The following DGKB variants were observed in gnomAD, a reference collection of about 807,000 sequenced individuals.
The protein encoded by DGKB is diacylglycerol kinase beta, also known as 90 kDa diacylglycerol kinase.
DGKB carries 67 observed loss-of-function variants against 114.3 expected under a neutral mutation model. That is an observed-to-expected ratio of 0.59 (90% confidence interval 0.48 to 0.72). The LOEUF is 0.72. Ranked by LOEUF, DGKB falls within the 30% of genes least tolerant of loss-of-function variation. The pLI is 0.00. For missense variants in DGKB, 907 were observed against 975.2 expected (o/e 0.93, Z 0.93); for synonymous variants, 398 against 323.1 (o/e 1.23, Z -2.49).
At chr7:14,897,857 G>C (rs748927667) in intron 1 of DGKB, among the ~76,000 whole-genome samples, 2 of 151,884 alleles carry the variant, frequency 1.3e-5, no homozygotes, top group Non-Finnish European at 2.9e-5. Context: ...AAATATTGTG[G>C]AAGTGGGACT....
intron 23 of DGKB, among the ~76,000 whole-genome samples, chr7:14,250,765 TCTC>T (rs1443831274): frequency 1.3e-5 from 2 of 152,196 alleles, no homozygotes; most frequent in Non-Finnish European, 2.9e-5. Context: ...GTGGTTTATT[TCTC>T]CTTTCAGTTC....
chr7:14,736,587 T>G (rs1410216801), intron 4 of DGKB, among the ~76,000 whole-genome samples: 1 of 152,230 alleles, frequency 6.6e-6, no homozygotes, highest in Non-Finnish European at 1.5e-5. Flanking sequence ...TACAGAGTCA[T>G]ATAAACACAG....
chr7:14,824,023 G>A (rs973075077), intron 2 of DGKB, among the ~76,000 whole-genome samples: 7 of 152,164 alleles, frequency 4.6e-5, no homozygotes, highest in African/African-American at 1.7e-4. Flanking sequence ...GAGGGTCAAA[G>A]TCAAGTCTTA....
At chr7:14,902,886 C>T (rs1303132852), upstream of DGKB, 1 of 152,116 alleles carries the variant, frequency 6.6e-6, no homozygotes, top group African/African-American at 2.4e-5. Context: ...CTGCAGTTCA[C>T]CCGTCTCTGA....
At chr7:14,754,520 C>A (rs2128441460) in intron 3 of DGKB, among the ~76,000 whole-genome samples, 1 of 152,076 alleles carries the variant, frequency 6.6e-6, no homozygotes, top group Non-Finnish European at 1.5e-5. Context: ...CACTTTCTTC[C>A]CATATCTCAG....
intron 23 of DGKB, among the ~76,000 whole-genome samples, chr7:14,294,822 A>G (rs1179342962): frequency 2.6e-5 from 4 of 152,178 alleles, no homozygotes; most frequent in African/African-American, 9.6e-5. Context: ...GTGACTCACT[A>G]GTTTAATGAG....
At chr7:14,245,981 T>C (rs1402949139) in intron 23 of DGKB, among the ~76,000 whole-genome samples, 1 of 152,124 alleles carries the variant, frequency 6.6e-6, no homozygotes, top group African/African-American at 2.4e-5. Flanking sequence ...GACGAGAATG[T>C]GCTGGCTAGA....
intron 13 of DGKB, among the ~76,000 whole-genome samples, chr7:14,658,108 G>C (rs527310853): frequency 6.6e-6 from 1 of 152,016 alleles, no homozygotes; most frequent in South Asian, 2.1e-4. Flanking sequence ...AAGCAAGATC[G>C]GAAGAAGAGG....
At chr7:14,450,274 G>A (rs969584471) in intron 21 of DGKB, among the ~76,000 whole-genome samples, 1 of 152,102 alleles carries the variant, frequency 6.6e-6, no homozygotes, top group Non-Finnish European at 1.5e-5. Flanking sequence ...GGATGCCACT[G>A]TCCAGGTAAT....
At chr7:14,634,466 A>G (rs879790949) in intron 13 of DGKB, among the ~76,000 whole-genome samples, 2 of 139,438 alleles carry the variant, frequency 1.4e-5, no homozygotes, top group Non-Finnish European at 1.5e-5. Context: ...AGAAATCACT[A>G]TATCTACAAA....
At chr7:14,332,577 A>G (rs1809927201) in intron 23 of DGKB, among the ~76,000 whole-genome samples, 1 of 152,208 alleles carries the variant, frequency 6.6e-6, no homozygotes, top group Non-Finnish European at 1.5e-5. Flanking sequence ...GTTTTACTCT[A>G]TTTTTACTTG....
At chr7:14,502,213 C>G (rs1011904804) in intron 20 of DGKB, among the ~76,000 whole-genome samples, 5 of 151,942 alleles carry the variant, frequency 3.3e-5, no homozygotes, top group African/African-American at 1.2e-4. Context: ...AAAAAACCAG[C>G]TTTCACATAA....
At chr7:14,610,759 G>A (rs1459993143) in intron 16 of DGKB, among the ~76,000 whole-genome samples, 1 of 151,814 alleles carries the variant, frequency 6.6e-6, no homozygotes. Flanking sequence ...CCTATCTGAC[G>A]TTGTCCTTGG....
intron 20 of DGKB, among the ~76,000 whole-genome samples, chr7:14,549,608 T>A (rs957617641): frequency 6.6e-6 from 1 of 152,140 alleles, no homozygotes; most frequent in African/African-American, 2.4e-5. Context: ...ATAAAGAGAA[T>A]GCAGGGAACA....
chr7:14,669,946 T>G (rs1160198393), intron 13 of DGKB, among the ~76,000 whole-genome samples: 1 of 152,124 alleles, frequency 6.6e-6, no homozygotes, highest in Non-Finnish European at 1.5e-5. Context: ...AGTAACATGA[T>G]GTTAAACAAT....
chr7:14,308,149 G>T (rs888417883), intron 23 of DGKB, among the ~76,000 whole-genome samples: 1 of 151,904 alleles, frequency 6.6e-6, no homozygotes, highest in African/African-American at 2.4e-5. Flanking sequence ...AAATCATAAA[G>T]ATAACCCGTA....
At chr7:14,849,489 C>T (rs905231901) in intron 1 of DGKB, among the ~76,000 whole-genome samples, 1 of 152,088 alleles carries the variant, frequency 6.6e-6, no homozygotes, top group East Asian at 1.9e-4. Context: ...TGTGACAATG[C>T]AGCAAGAAGG....
chr7:14,403,505 G>C (rs1412519693), intron 21 of DGKB, among the ~76,000 whole-genome samples: 2 of 107,128 alleles, frequency 1.9e-5, no homozygotes, highest in Non-Finnish European at 4.1e-5. Flanking sequence ...GTTTTCTTTG[G>C]GGAACCATTT....
At chr7:14,485,102 ACACACAC>A (rs1187974444) in intron 20 of DGKB, among the ~76,000 whole-genome samples, 5 of 44,362 alleles carry the variant, frequency 1.1e-4, no homozygotes, top group Non-Finnish European at 1.6e-4. Context: ...CACACCACAC[ACACACAC>A]ACACACACAC....
Sources: allele counts gnomAD v4.1 joint callset (sites outside exome capture counted in the v4.1 genomes callset), GRCh38; gene constraint gnomAD v4.1.1; transcripts MANE v1.5; gene names NCBI Gene and HGNC (gene_info 2026-07-23, HGNC 2026-07-21).